Variants in HSP90B1 observed in about 807,000 individuals in gnomAD.
HSP90B1 encodes the protein endoplasmin.
In HSP90B1, 27 loss-of-function variants were observed where a neutral mutation model predicts 100.4. That is an observed-to-expected ratio of 0.27 (90% CI 0.20 to 0.37). The LOEUF (loss-of-function observed/expected upper bound fraction) is 0.37. Among genes scored for constraint, HSP90B1 ranks in the 10% least tolerant of loss-of-function variants. The pLI is 1.00. For missense variants in HSP90B1, 678 were observed against 960.5 expected (o/e 0.71, Z 3.89); for synonymous variants, 304 against 330.8 (o/e 0.92, Z 0.88).
At chr12:103,937,627 A>G in intron 5 of HSP90B1, 68 bp from the exon 6 acceptor site, 1 of 780,996 alleles carries the variant, frequency 1.3e-6, no homozygotes, top group Non-Finnish European at 2.2e-6. Context: ...TTACCATGGT[A>G]TTTAAATGAA....
chr12:103,942,503 C>T (rs1377340474), intron 11 of HSP90B1, 24 bp from the exon 12 acceptor site: 1 of 1,606,010 alleles, frequency 6.2e-7, no homozygotes, highest in Non-Finnish European at 8.5e-7. Context: ...CTTCTCTAAT[C>T]AGTTATTCTT....
In HSP90B1 at chr12:103,938,414, T is replaced by C. The variant is rs1869980518; in HGVS notation, c.930T>C (p.Ala310=). The C allele has an allele frequency of 1.3e-6, 2 of 1,597,128 alleles. No individual in the cohort carries two copies. Among genetic ancestry groups the C allele is most frequent in the African/African-American group, 2.7e-5 (2 of 74,754 alleles). The change falls in exon 7 of 18, where the codon GCT becomes GCC. Residue 310 remains alanine, a synonymous_variant. Transcript: ENST00000299767. ...KEEKEESDDE[A]AVEEEEEEKK... ...AGAAAGAAGAATCTGATGATGAAGC[T>C]GCAGTAGAGGAAGAAGAAGAAGAAA...
At position 103,946,810 on chromosome 12, in the gene HSP90B1, T is replaced by C. The variant is rs1870249756; in HGVS notation, c.2131T>C (p.Leu711=). ...GGAAGATGAAGATGATAAAACAGTT[T>C]TGGATCTTGCTGTGGTTTTGTTTGA... ...IKEDEDDKTV[L]DLAVVLFETA... Residue 711 remains leucine (L), a synonymous_variant, in exon 16 of 18, where the codon TTG becomes CTG. Coordinates refer to ENST00000299767, the MANE Select transcript of HSP90B1 (RefSeq NM_003299.3). 6.2e-7 allele frequency: 1 copy of C among 1,614,008 alleles called. No individual in the cohort carries two copies. The highest frequency in any genetic ancestry group is 1.7e-5 in the Admixed American group (1 of 59,998).
intron 5 of HSP90B1, among the ~76,000 whole-genome samples, chr12:103,936,859 T>C (rs1566165932): frequency 6.6e-6 from 1 of 152,154 alleles, no homozygotes; most frequent in East Asian, 1.9e-4. Flanking sequence ...AGGGGCCTAG[T>C]CACTCACTAG....
At chr12:103,936,349 G>C (rs1011133527) in intron 5 of HSP90B1, among the ~76,000 whole-genome samples, 4 of 152,134 alleles carry the variant, frequency 2.6e-5, no homozygotes, top group Non-Finnish European at 5.9e-5. Flanking sequence ...CAATACATAA[G>C]GATGTGTCCC....
chr12:103,938,971 T>C (rs538134896), intron 7 of HSP90B1, among the ~76,000 whole-genome samples: 14 of 152,270 alleles, frequency 9.2e-5, no homozygotes, highest in African/African-American at 1.9e-4. Flanking sequence ...AAAATAACAA[T>C]GAAGAAAAAC....
rs369072974 is a variant in HSP90B1, at chr12:103,946,883, A to G, written c.2204A>G (p.Tyr735Cys). 7.4e-6 allele frequency: 12 copies of G among 1,613,938 alleles called. No homozygotes were observed. The highest frequency in any genetic ancestry group is 1.0e-5 in the Non-Finnish European group (12 of 1,179,918). ...SGYLLPDTKA[Y>C]GDRIERMLRL... ...TATCTTTTACCAGACACTAAAGCAT[A>G]TGGAGATAGAATAGAAAGAATGCTT... The change falls in exon 16 of 18, where the codon TAT (tyrosine) becomes TGT (cysteine). Residue 735 changes from tyrosine to cysteine, a missense_variant. Transcript: ENST00000299767.
chr12:103,947,524 A>C, intron 17 of HSP90B1, 94 bp downstream of exon 17: 2 of 1,603,234 alleles, frequency 1.2e-6, no homozygotes, highest in Non-Finnish European at 1.7e-6. Context: ...TGTAACTTAC[A>C]GAAGTCAGAC....
Position 103,946,851 on chromosome 12 carries a change from G to T in HSP90B1, c.2172G>T (p.Arg724=). 1 of 1,614,124 alleles carries T rather than the reference G, an allele frequency of 6.2e-7. No individual in the cohort carries two copies. The highest frequency in any genetic ancestry group is 8.5e-7 in the Non-Finnish European group (1 of 1,180,020). ...TTTTGTTTGAAACAGCAACGCTTCGGTCAGGGTATCTTTTACCAGACACTA... is the reference window on the plus strand; with the variant it reads ...TTTTGTTTGAAACAGCAACGCTTCGTTCAGGGTATCTTTTACCAGACACTA... ...AVVLFETATL[R]SGYLLPDTKA... Residue 724 remains arginine, a synonymous_variant, in exon 16 of 18, where the codon CGG becomes CGT. Coordinates refer to ENST00000299767, the MANE Select transcript of HSP90B1 (RefSeq NM_003299.3).
At chr12:103,939,062 A>G (rs1305286513) in intron 7 of HSP90B1, among the ~76,000 whole-genome samples, 1 of 151,870 alleles carries the variant, frequency 6.6e-6, no homozygotes, top group Non-Finnish European at 1.5e-5. Context: ...TACAGTTGGC[A>G]GAAACCTTAC....
chr12:103,942,799 G>A lies in HSP90B1; in HGVS notation c.1644+3G>A, dbSNP rs1386419186. 1.9e-6 allele frequency: 3 copies of A among 1,613,504 alleles called. No homozygotes were observed. The highest frequency in any genetic ancestry group is 2.5e-6 in the Non-Finnish European group (3 of 1,179,684). ...TGGCTGGGTCCAGCAGAAAAGAGGT[G>A]AGATGAACTCATAAGTGTTGTCAGC... On this transcript the variant is annotated splice_donor_region_variant and intron_variant, in intron 12 of 17. Transcript: ENST00000299767.
chr12:103,940,532 T>C (rs950089175), intron 8 of HSP90B1, among the ~76,000 whole-genome samples: 2 of 152,202 alleles, frequency 1.3e-5, no homozygotes, highest in Non-Finnish European at 2.9e-5. Flanking sequence ...CTCTATTCCA[T>C]ATCCTTTAAA....
chr12:103,932,252 T>G (rs1869788959), intron 2 of HSP90B1, 25 bp from the exon 3 acceptor site: 1 of 1,591,062 alleles, frequency 6.3e-7, no homozygotes, highest in Non-Finnish European at 8.6e-7. Context: ...CATGCAATAT[T>G]TGCTTACCTA....
intron 4 of HSP90B1, among the ~76,000 whole-genome samples, chr12:103,933,692 G>A (rs1344374841): frequency 6.6e-6 from 1 of 152,184 alleles, no homozygotes. Flanking sequence ...TTCCTTCAAA[G>A]GTAACTTGTT....
chr12:103,945,863 C>G (rs769122596), intron 14 of HSP90B1, among the ~76,000 whole-genome samples: 6 of 152,118 alleles, frequency 3.9e-5, no homozygotes, highest in Non-Finnish European at 8.8e-5. Flanking sequence ...GTGAGAGGAT[C>G]ACTTGAGGCC....
At chr12:103,947,478 T>C in intron 17 of HSP90B1, 48 bp downstream of exon 17, 1 of 1,613,778 alleles carries the variant, frequency 6.2e-7, no homozygotes, top group South Asian at 1.1e-5. Context: ...CTGGCAAAGT[T>C]AGGACAGAGT....
chr12:103,937,969 C>T (rs923735656), intron 6 of HSP90B1, among the ~76,000 whole-genome samples, 163 bp downstream of exon 6: 1 of 152,118 alleles, frequency 6.6e-6, no homozygotes, highest in African/African-American at 2.4e-5. Flanking sequence ...GAGTTCGAGA[C>T]CAGCCTGGCC....
At position 103,933,998 on chromosome 12, in the gene HSP90B1, G is replaced by T; in HGVS notation, c.454G>T (p.Val152Leu). The stretch of plus-strand genomic sequence containing the variant: ...CCTGCTGCATGTCACAGACACCGGT[G>T]TAGGAATGACCAGAGAAGAGTTGGT... ...KNLLHVTDTG[V>L]GMTREELVKN... The change falls in exon 5 of 18, where the codon GTA (valine) becomes TTA (leucine). Residue 152 changes from valine to leucine, a missense_variant. This residue lies in a region of HSP90B1 where 238 missense variants were observed against 346.7 expected (regional missense o/e 0.69). Coordinates refer to ENST00000299767, the MANE Select transcript of HSP90B1 (RefSeq NM_003299.3). The T allele has an allele frequency of 1.2e-6, 2 of 1,614,224 alleles. No individual in the cohort carries two copies. The highest frequency in any genetic ancestry group is 1.3e-5 in the African/African-American group (1 of 75,060).
At chr12:103,931,671 T>C (rs1213907444) in intron 2 of HSP90B1, 48 bp downstream of exon 2, 3 of 1,342,520 alleles carry the variant, frequency 2.2e-6, no homozygotes, top group African/African-American at 2.9e-5. Context: ...GTGTGAACCT[T>C]GTGAGTTACG....
Sources: allele counts gnomAD v4.1 joint callset (sites outside exome capture counted in the v4.1 genomes callset), GRCh38; gene constraint gnomAD v4.1.1; regional missense constraint gnomAD v4.1.1; transcripts MANE v1.5; gene names NCBI Gene and HGNC (gene_info 2026-07-23, HGNC 2026-07-21).